The following CCDC7 variants were observed in gnomAD, a reference collection of about 807,000 sequenced individuals.
CCDC7 encodes coiled-coil domain-containing protein 7.
In CCDC7, 183 loss-of-function variants were observed where a neutral mutation model predicts 196.9. That is an observed-to-expected ratio of 0.93 (90% CI 0.82 to 1.05). CCDC7 has a LOEUF of 1.05. Among genes scored for constraint, CCDC7 ranks in the 50% least tolerant of loss-of-function variants. CCDC7 has a pLI of 0.00. For missense variants in CCDC7, 1,540 were observed against 1,482.2 expected, an observed-to-expected ratio of 1.04 and a Z score of -0.64; for synonymous variants, 525 against 484.6, an observed-to-expected ratio of 1.08 and a Z score of -1.10.
chr10:32,671,753 G>A (rs901913031), intron 21 of CCDC7, among the ~76,000 whole-genome samples: 7 of 152,056 alleles, frequency 4.6e-5, no homozygotes, highest in African/African-American at 1.7e-4. Context: ...CTCCTACAGG[G>A]GTGTGAGGGC....
At chr10:32,661,398 G>A (rs574383526) in intron 20 of CCDC7, among the ~76,000 whole-genome samples, 1 of 152,170 alleles carries the variant, frequency 6.6e-6, no homozygotes, top group East Asian at 1.9e-4. Context: ...TTCAACCATT[G>A]TGGAAGTCAG....
At chr10:32,565,647 T>C in intron 14 of CCDC7, 27 bp downstream of exon 15, 2 of 1,593,792 alleles carry the variant, frequency 1.3e-6, no homozygotes, top group African/African-American at 1.3e-5. Context: ...TTCTTTAACA[T>C]TGTTAACAAG....
intron 11 of CCDC7, among the ~76,000 whole-genome samples, chr10:32,536,960 A>G (rs2050611642): frequency 6.6e-6 from 1 of 152,322 alleles, no homozygotes; most frequent in South Asian, 2.1e-4. Context: ...CAATAAACAT[A>G]TATGTGCATG....
At chr10:32,666,981 C>T (rs1474963127) in intron 21 of CCDC7, among the ~76,000 whole-genome samples, 1 of 152,168 alleles carries the variant, frequency 6.6e-6, no homozygotes, top group Non-Finnish European at 1.5e-5. Context: ...AACTAGTTTA[C>T]AGTCCCACCA....
intron 9 of CCDC7, among the ~76,000 whole-genome samples, chr10:32,509,652 C>T (rs1404095745): frequency 6.6e-6 from 1 of 151,826 alleles, no homozygotes; most frequent in African/African-American, 2.4e-5. Flanking sequence ...TCAAACTGTA[C>T]ATCTGATAAT....
chr10:32,663,681 A>T (rs948832045), intron 20 of CCDC7, among the ~76,000 whole-genome samples: 9 of 152,032 alleles, frequency 5.9e-5, no homozygotes, highest in African/African-American at 2.2e-4. Context: ...CCAATTTCAT[A>T]TGCTTGTACA....
At chr10:32,498,102 G>T (rs983465698) in intron 9 of CCDC7, among the ~76,000 whole-genome samples, 1 of 152,118 alleles carries the variant, frequency 6.6e-6, no homozygotes, top group African/African-American at 2.4e-5. Flanking sequence ...ATATATTTAG[G>T]ATAGTTAGCT....
chr10:32,629,877 A>G (rs1413634423), intron 18 of CCDC7, among the ~76,000 whole-genome samples: 1 of 152,228 alleles, frequency 6.6e-6, no homozygotes, highest in Non-Finnish European at 1.5e-5. Flanking sequence ...CCTCAGGAAG[A>G]AAGCGCTAGA....
intron 20 of CCDC7, among the ~76,000 whole-genome samples, chr10:32,641,945 C>T (rs1034920462): frequency 5.9e-5 from 9 of 152,198 alleles, no homozygotes; most frequent in African/African-American, 1.9e-4. Flanking sequence ...TGGGTATCAG[C>T]AGCAGAGGCT....
chr10:32,647,870 G>A (rs543538352), intron 20 of CCDC7, among the ~76,000 whole-genome samples: 1 of 152,294 alleles, frequency 6.6e-6, no homozygotes, highest in Admixed American at 6.5e-5. Flanking sequence ...TGTTGCATTT[G>A]CTTTTGGGGA....
intron 25 of CCDC7, among the ~76,000 whole-genome samples, chr10:32,717,484 G>A (rs775533620): frequency 2.6e-5 from 4 of 151,712 alleles, no homozygotes; most frequent in Admixed American, 6.6e-5. Context: ...AGAGAAGGAT[G>A]AGCAAATTCA....
chr10:32,779,028 C>G, exon 29 of CCDC7: 1 of 1,550,178 alleles, frequency 6.5e-7, no homozygotes, highest in Non-Finnish European at 8.7e-7. Flanking sequence ...AATCTTCCAG[C>G]AATGTACCCG....
intron 28 of CCDC7, among the ~76,000 whole-genome samples, chr10:32,763,353 A>G (rs1394618737): frequency 6.6e-6 from 1 of 151,986 alleles, no homozygotes; most frequent in African/African-American, 2.4e-5. Flanking sequence ...TCAAAAACAT[A>G]ACATATGTTG....
chr10:32,852,069 G>T, intron 40 of CCDC7, 137 bp downstream of exon 41: 1 of 821,010 alleles, frequency 1.2e-6, no homozygotes. Flanking sequence ...TGAGTTAAGT[G>T]CACCTAACAT....
At chr10:32,656,885 C>T (rs1041603350) in intron 20 of CCDC7, among the ~76,000 whole-genome samples, 1 of 152,208 alleles carries the variant, frequency 6.6e-6, no homozygotes, top group Non-Finnish European at 1.5e-5. Flanking sequence ...GGCTTACTTT[C>T]CAGATACAAT....
chr10:32,708,700 G>A (rs1399448560), intron 24 of CCDC7, among the ~76,000 whole-genome samples: 1 of 152,172 alleles, frequency 6.6e-6, no homozygotes, highest in Admixed American at 6.5e-5. Flanking sequence ...CATTTATGCA[G>A]CCAAAAAACA....
At chr10:32,648,257 ACTGTGATGCTT>A (rs71515570) in intron 20 of CCDC7, among the ~76,000 whole-genome samples, 21,036 of 152,086 alleles carry the variant, frequency 0.14, 1,752 homozygotes, top group East Asian at 0.25. Context: ...GAAGTTGGCT[ACTGTGATGCTT>A]CTGGCTTTTT....
At chr10:32,844,032 G>A (rs1192843844) in intron 33 of CCDC7, among the ~76,000 whole-genome samples, 1 of 151,682 alleles carries the variant, frequency 6.6e-6, no homozygotes, top group African/African-American at 2.4e-5. Flanking sequence ...TCCATTCTAT[G>A]GTATCTGGGT....
chr10:32,644,337 A>G (rs545987170), intron 20 of CCDC7, among the ~76,000 whole-genome samples: 1 of 152,262 alleles, frequency 6.6e-6, no homozygotes, highest in South Asian at 2.1e-4. Context: ...TTAATAAGCC[A>G]CTTGCTGTTC....
Sources: allele counts gnomAD v4.1 joint callset (sites outside exome capture counted in the v4.1 genomes callset), GRCh38; gene constraint gnomAD v4.1.1; transcripts MANE v1.5; gene names NCBI Gene and HGNC (gene_info 2026-07-23, HGNC 2026-07-21).